NXN: variants seen among roughly 807,000 people sequenced by gnomAD.
The protein encoded by NXN is nucleoredoxin.
In NXN, 16 loss-of-function variants were observed where a neutral mutation model predicts 48.6. That is an observed-to-expected ratio of 0.33 (90% CI 0.22 to 0.50). The LOEUF is 0.50. NXN is among the 20% of genes least tolerant of loss of function. The pLI is 0.98. For missense variants in NXN, 492 were observed against 605.5 expected (o/e 0.81, Z 1.97); for synonymous variants, 281 against 269.6 (o/e 1.04, Z -0.41).
chr17:885,672 C>CTTTTTTTTTTTTTT (rs532225883), intron 1 of NXN, among the ~76,000 whole-genome samples: 7 of 83,750 alleles, frequency 8.4e-5, no homozygotes, highest in Admixed American at 1.2e-4. Context: ...GCGGTACTCG[C>CTTTTTTTTTTTTTT]TTTTTTTTTT....
chr17:882,034 A>G (rs567250165), intron 1 of NXN, among the ~76,000 whole-genome samples: 123 of 151,936 alleles, frequency 8.1e-4, no homozygotes, highest in African/African-American at 2.8e-3. Context: ...ATATCGGTAT[A>G]ACAGCTGTTC....
rs9896593 is a variant in NXN, at chr17:847,908, G to T, written c.361-21830C>A. On this transcript the variant is annotated intron_variant, in intron 1 of 7. Coordinates refer to ENST00000336868, the MANE Select transcript of NXN (RefSeq NM_022463.5). ...AAAAAACAGCTACAAGCCCAATAAA[G>T]AAATAAATATAGGAGTAAATACAGA... Among the ~76,000 whole-genome samples, 824 of 152,274 alleles carry T rather than the reference G, an allele frequency of 5.4e-3. 4 individuals carry two copies. The highest frequency in any genetic ancestry group is 0.019 in the African/African-American group (782 of 41,564).
At chr17:944,777 G>C (rs2069023651) in intron 1 of NXN, among the ~76,000 whole-genome samples, 1 of 152,076 alleles carries the variant, frequency 6.6e-6, no homozygotes, top group African/African-American at 2.4e-5. Context: ...AATTAAACCG[G>C]TAGAAAAATC....
chr17:886,777 C>CAAA (rs5818771), intron 1 of NXN, among the ~76,000 whole-genome samples: 1 of 124,372 alleles, frequency 8.0e-6, no homozygotes, highest in Admixed American at 8.3e-5. Flanking sequence ...GACTCTGTCT[C>CAAA]AAAAAAAAAA....
At chr17:896,356 AT>A (rs1375944906) in intron 1 of NXN, among the ~76,000 whole-genome samples, 22 of 151,228 alleles carry the variant, frequency 1.5e-4, no homozygotes, top group African/African-American at 5.1e-4. Context: ...AAAAAAAAAA[AT>A]TAAGTAAGCA....
intron 1 of NXN, among the ~76,000 whole-genome samples, chr17:931,280 C>G (rs1383607327): frequency 2.1e-5 from 3 of 143,266 alleles, no homozygotes; most frequent in African/African-American, 7.9e-5. Flanking sequence ...GAGCGAGACT[C>G]CATCCAAAAA....
chr17:964,072 G>A (rs565806400), intron 1 of NXN, among the ~76,000 whole-genome samples: 40 of 152,158 alleles, frequency 2.6e-4, no homozygotes, highest in South Asian at 1.5e-3. Context: ...GCAAGACTCC[G>A]TCTCAAAAAC....
At chr17:887,718 C>G (rs2068364087) in intron 1 of NXN, among the ~76,000 whole-genome samples, 1 of 152,168 alleles carries the variant, frequency 6.6e-6, no homozygotes. Context: ...CGTCACAGAG[C>G]TGGCCCCTAT....
At chr17:976,380 G>A (rs528142393) in intron 1 of NXN, among the ~76,000 whole-genome samples, 3 of 152,152 alleles carry the variant, frequency 2.0e-5, no homozygotes, top group Admixed American at 6.5e-5. Context: ...TTAGAGAAAT[G>A]CCAGCCAATA....
intron 1 of NXN, among the ~76,000 whole-genome samples, chr17:835,689 A>AAAT (rs1913774612): frequency 6.9e-6 from 1 of 144,754 alleles, no homozygotes; most frequent in Admixed American, 6.9e-5. Context: ...AATCTGAAAC[A>AAAT]CCGGTGGGAT....
chr17:825,634 G>A lies in NXN; in HGVS notation c.478+327C>T, dbSNP rs574928787. ...TAACTGTGAAGGGGGCAGCCGCCAC[G>A]GATGCAGCACTAGAGGCCGGGGTCT... On this transcript the variant is annotated intron_variant, in intron 2 of 7. Coordinates refer to ENST00000336868, the MANE Select transcript of NXN (RefSeq NM_022463.5). The surrounding 1 kb of genome is among the most constrained non-coding windows in gnomAD (Gnocchi z 4.1). The A allele has an allele frequency of 9.3e-4, 217 of 232,610 alleles. 3 individuals carry two copies. In the South Asian group the frequency reaches 0.018, roughly 20 times the overall value. The allele number at this position is 232,610 out of a possible 1,614,324, so 14.4% of individuals were successfully genotyped here. A position where few individuals can be genotyped will look rare whatever the true frequency, so the allele number is the denominator to read the frequency against.
intron 1 of NXN, among the ~76,000 whole-genome samples, chr17:968,833 AG>A (rs2069337898): frequency 6.6e-6 from 1 of 152,070 alleles, no homozygotes; most frequent in Non-Finnish European, 1.5e-5. Context: ...GCTACTCAGG[AG>A]GCTGAGGCAG....
chr17:847,175 C>T (rs561131770), intron 1 of NXN, among the ~76,000 whole-genome samples: 2 of 152,058 alleles, frequency 1.3e-5, no homozygotes, highest in Non-Finnish European at 2.9e-5. Context: ...CACTAGCACT[C>T]GGCACAGCTC....
chr17:856,975 A>T (rs978526047), intron 1 of NXN, among the ~76,000 whole-genome samples: 2 of 152,118 alleles, frequency 1.3e-5, no homozygotes, highest in Non-Finnish European at 2.9e-5. Flanking sequence ...CACGTCACCC[A>T]GTTCCAGAGC....
Position 903,842 on chromosome 17 carries a change from G to A in NXN, c.360+75477C>T, listed in dbSNP as rs1398108870. On this transcript the variant is annotated intron_variant, in intron 1 of 7. Transcript: ENST00000336868. ...TATGACCGCAGCCAAAGGGCCTGAC[G>A]CCTGCCTTCATTCAGGGTAGACCAA... Among the ~76,000 whole-genome samples the A allele has an allele frequency of 2.6e-5, 4 of 152,206 alleles. No homozygotes were observed. The East Asian group carries it at 5.8e-4, about 22-fold the overall frequency.
rs1336284318 is a variant in NXN, at chr17:799,784, G to A, written c.*1165C>T. ...TCCGCTGGTGCTTAGGAAAAGGCGA[G>A]GCTTCTGGTAATTTCTCATCTTTGT... On this transcript the variant is annotated 3_prime_UTR_variant, in exon 8 of 8. Transcript: ENST00000336868. 1.3e-5 allele frequency: 2 copies of A among 152,374 alleles called. No individual in the cohort carries two copies. Among genetic ancestry groups the A allele is most frequent in the African/African-American group, 4.8e-5 (2 of 41,476 alleles). The allele number at this position is 152,374 out of a possible 1,614,324, so 9.4% of individuals were successfully genotyped here. A position where few individuals can be genotyped will look rare whatever the true frequency, so the allele number is the denominator to read the frequency against.
chr17:829,692 A>G (rs938736699), intron 1 of NXN, among the ~76,000 whole-genome samples: 1 of 151,310 alleles, frequency 6.6e-6, no homozygotes, highest in Non-Finnish European at 1.5e-5. Context: ...TCATTGTTCA[A>G]CTCCCATTTA....
chr17:976,144 A>C (rs2069454876), intron 1 of NXN, among the ~76,000 whole-genome samples: 1 of 152,110 alleles, frequency 6.6e-6, no homozygotes, highest in African/African-American at 2.4e-5. Flanking sequence ...CAACAGGCAG[A>C]AACAGGACAA....
chr17:915,518 C>CGTGAT (rs1204889325), intron 1 of NXN, among the ~76,000 whole-genome samples: 7 of 151,898 alleles, frequency 4.6e-5, no homozygotes, highest in Non-Finnish European at 8.8e-5. Flanking sequence ...CTCTTGGGCT[C>CGTGAT]AGGCAATCAA....
Sources: gnomAD v4.1 joint callset for allele counts (sites outside exome capture counted in the v4.1 genomes callset) on GRCh38, gnomAD v4.1.1 for gene constraint, Gnocchi (gnomAD v3.1) non-coding constraint, MANE v1.5 for transcripts, NCBI Gene and HGNC (gene_info 2026-07-23, HGNC 2026-07-21) for gene names.